STK31: variants seen among roughly 807,000 people sequenced by gnomAD.
STK31 encodes the protein serine/threonine-protein kinase 31.
A neutral mutation model predicts 129.7 loss-of-function variants in STK31; 89 were observed. The observed-to-expected ratio is 0.69, with a 90% confidence interval of 0.58 to 0.82. STK31 has a LOEUF of 0.82. Ranked by LOEUF, STK31 falls within the 40% of genes least tolerant of loss-of-function variation. The pLI, the probability that STK31 is intolerant of heterozygous loss-of-function variation, is 0.00. For missense variants in STK31, 1,187 were observed against 1,176.4 expected, an observed-to-expected ratio of 1.01 and a Z score of -0.13; for synonymous variants, 448 against 395.3, an observed-to-expected ratio of 1.13 and a Z score of -1.58.
intron 23 of STK31, 81 bp from the exon 24 acceptor site, chr7:23,832,055 G>T (rs1794583033): frequency 4.0e-6 from 4 of 998,692 alleles, no homozygotes; most frequent in African/African-American, 3.3e-5. Flanking sequence ...TGTATTTATT[G>T]AAAAAATAAG....
In STK31 at chr7:23,762,854, C is replaced by T. The variant is rs1789552770; in HGVS notation, c.1347C>T (p.Tyr449=). 1.3e-5 allele frequency: 21 copies of T among 1,608,532 alleles called. No individual in the cohort carries two copies. Among genetic ancestry groups the T allele is most frequent in the Non-Finnish European group, 1.6e-5 (19 of 1,178,104 alleles). Residue 449 remains tyrosine, a synonymous_variant, in exon 11 of 24, where the codon TAC becomes TAT. Coordinates refer to ENST00000355870, the MANE Select transcript of STK31 (RefSeq NM_031414.5). The part of the protein sequence containing the change: ...AQRNEMQQKL[Y]MSVEDFILEV... ...GAAATGAAATGCAGCAGAAGCTGTA[C>T]ATGTCAGTAGAAGATTTTATTCTGG... is the stretch of plus-strand genomic sequence containing the variant.
At chr7:23,807,632 G>GC (rs965582555) in intron 22 of STK31, among the ~76,000 whole-genome samples, 6 of 151,920 alleles carry the variant, frequency 3.9e-5, no homozygotes, top group African/African-American at 1.4e-4. Flanking sequence ...ATGCATTTTA[G>GC]CCCCCCACCC....
intron 4 of STK31, among the ~76,000 whole-genome samples, chr7:23,721,034 A>G (rs909187556): frequency 6.6e-6 from 1 of 152,244 alleles, no homozygotes; most frequent in Non-Finnish European, 1.5e-5. Flanking sequence ...AGGAATCAGA[A>G]AAGGATTTAT....
rs765248525 is a variant in STK31 at position 23,712,164 on chromosome 7, AT to A, written c.97+23del. On this transcript the variant is annotated intron_variant, in intron 2 of 23. Transcript: ENST00000355870. The stretch of plus-strand genomic sequence containing the variant: ...GATAAAGGTACTGACACTAAAAATT[AT>A]TTTGGGGTGTAAGAGCTAGATGATA... 1 of 1,613,722 alleles carries A rather than the reference AT, an allele frequency of 6.2e-7. No individual in the cohort carries two copies. The highest frequency in any genetic ancestry group is 1.7e-5 in the Admixed American group (1 of 60,006).
At position 23,786,628 on chromosome 7, in the gene STK31, T is replaced by C; in HGVS notation, c.2395T>C (p.Cys799Arg). The C allele has an allele frequency of 6.2e-7, 1 of 1,612,934 alleles. No homozygotes were observed. Among genetic ancestry groups the C allele is most frequent in the South Asian group, 1.1e-5 (1 of 90,786 alleles). The change falls in exon 19 of 24, where the codon TGT (cysteine) becomes CGT (arginine). Residue 799 changes from cysteine (C) to arginine (R), a missense_variant. Around this residue, in one of 5 missense-constraint regions of STK31, gnomAD observed 975 missense variants for 934.9 expected, o/e 1.04. Coordinates refer to ENST00000355870, the MANE Select transcript of STK31 (RefSeq NM_031414.5). ...ACTGCCATTGATATTCCTGTTTTTA[T>C]GTAAGGTAAAGTTCTTATGCTAATC... ...GLLPLIFLFL[C>R]KSDPMAYLMV...
chr7:23,755,629 T>G (rs1302466526), intron 10 of STK31, among the ~76,000 whole-genome samples: 4 of 152,218 alleles, frequency 2.6e-5, no homozygotes, highest in Admixed American at 2.0e-4. Flanking sequence ...TTTTATAGTT[T>G]TAGGTTTTAC....
At position 23,832,323 on chromosome 7, in the gene STK31, G is replaced by T. The variant is rs1266784188; in HGVS notation, c.3017G>T (p.Cys1006Phe). 6.2e-7 allele frequency: 1 copy of T among 1,613,204 alleles called. No homozygotes were observed. Among genetic ancestry groups the T allele is most frequent in the East Asian group, 2.2e-5 (1 of 44,864 alleles). Reference sequence around the variant, plus strand: ...ATAAAGACGGAGAACTTGGATAAATGTATGGAGAAGACAAGAAATGGTGAA... The same window carrying T: ...ATAAAGACGGAGAACTTGGATAAATTTATGGAGAAGACAAGAAATGGTGAA... Reference protein sequence around the residue: ...EEIKTENLDKCMEKTRNGEAN... With the variant: ...EEIKTENLDKFMEKTRNGEAN... The change falls in exon 24 of 24, where the codon TGT (cysteine) becomes TTT (phenylalanine). Residue 1006 changes from cysteine (C) to phenylalanine (F), a missense_variant. By Grantham distance (205) the Cys-to-Phe change is radical (BLOSUM62 -2). This residue lies in a region of STK31 where 975 missense variants were observed against 934.9 expected (regional missense o/e 1.04). Transcript: ENST00000355870.
Position 23,710,281 on chromosome 7 carries a change from C to A in STK31, c.-5C>A, listed in dbSNP as rs371501104. 7.4e-6 allele frequency: 12 copies of A among 1,611,666 alleles called. No individual in the cohort carries two copies. The highest frequency in any genetic ancestry group is 1.0e-5 in the Non-Finnish European group (12 of 1,179,878). Reference sequence around the variant, plus strand: ...CTACGGCGGGCGGAGGGCCGAAAGTCCAGTATGTGGGTCCAGGGTCACTCT... The same window carrying A: ...CTACGGCGGGCGGAGGGCCGAAAGTACAGTATGTGGGTCCAGGGTCACTCT... On this transcript the variant is annotated 5_prime_UTR_variant, in exon 1 of 24. Transcript: ENST00000355870.
chr7:23,719,708 A>G (rs554245286), intron 4 of STK31, among the ~76,000 whole-genome samples: 5 of 152,142 alleles, frequency 3.3e-5, no homozygotes, highest in Admixed American at 6.5e-5. Context: ...CCATGAAAGT[A>G]TCTTTCACAT....
At chr7:23,710,762 A>C (rs1785905686) in intron 1 of STK31, 1 of 1,039,858 alleles carries the variant, frequency 9.6e-7, no homozygotes, top group Non-Finnish European at 1.2e-6. Context: ...CAGTGCCTTC[A>C]TAATCAGGGC....
intron 8 of STK31, among the ~76,000 whole-genome samples, chr7:23,751,878 C>A (rs1250550733): frequency 6.9e-6 from 1 of 145,544 alleles, no homozygotes; most frequent in South Asian, 2.2e-4. Context: ...TTAATACAGG[C>A]ATATTTGCAT....
chr7:23,747,997 A>G (rs1788465261), intron 8 of STK31, among the ~76,000 whole-genome samples: 1 of 152,118 alleles, frequency 6.6e-6, no homozygotes, highest in African/African-American at 2.4e-5. Context: ...GCATATTAAG[A>G]TTTAATTTGC....
rs1373918144 is a variant in STK31 at position 23,737,042 on chromosome 7, A to T, written c.981A>T (p.Leu327Phe). The T allele has an allele frequency of 6.2e-7, 1 of 1,611,004 alleles. No individual in the cohort carries two copies. The highest frequency in any genetic ancestry group is 1.1e-5 in the South Asian group (1 of 90,818). ...CTCTTCTTGAAAGTTATAAGGCGTT[A>T]GAATTGAAAGTAGAGCAGATTGCCC... ...KDALLESYKALELKVEQIAQE... is the reference protein window; with the variant it reads ...KDALLESYKAFELKVEQIAQE... Residue 327 changes from leucine to phenylalanine, a missense_variant, in exon 8 of 24, where the codon TTA becomes TTT. Leu to Phe is a conservative substitution (Grantham distance 22). Around this residue, in one of 5 missense-constraint regions of STK31, gnomAD observed 975 missense variants for 934.9 expected, o/e 1.04. Coordinates refer to ENST00000355870, the MANE Select transcript of STK31 (RefSeq NM_031414.5).
At chr7:23,740,799 T>C (rs1788012788) in intron 8 of STK31, among the ~76,000 whole-genome samples, 1 of 152,202 alleles carries the variant, frequency 6.6e-6, no homozygotes, top group Non-Finnish European at 1.5e-5. Context: ...TCCAGCTTCA[T>C]CCATGTCCCT....
chr7:23,741,553 T>C (rs1788057694), intron 8 of STK31, among the ~76,000 whole-genome samples: 3 of 152,200 alleles, frequency 2.0e-5, no homozygotes, highest in South Asian at 2.1e-4. Context: ...TATCAAGCTC[T>C]ACCAATAATT....
intron 3 of STK31, among the ~76,000 whole-genome samples, chr7:23,713,008 A>G (rs1293608788): frequency 6.6e-6 from 1 of 152,194 alleles, no homozygotes; most frequent in East Asian, 1.9e-4. Flanking sequence ...ATATATGAGA[A>G]GAAAGTTCTA....
chr7:23,783,662 T>C lies in STK31; in HGVS notation c.2147T>C (p.Met716Thr). Reference sequence around the variant, plus strand: ...CCTGAAATAGGATTACTCAAATACATGGTAAACTTTGTTTCCCTTGCGAAT... The same window carrying C: ...CCTGAAATAGGATTACTCAAATACACGGTAAACTTTGTTTCCCTTGCGAAT... ...LHPEIGLLKY[M>T]NSGGLLTMSL... The change falls in exon 17 of 24, where the codon ATG becomes ACG. Residue 716 changes from methionine to threonine, a missense_variant and splice_region_variant. Met to Thr is a moderately conservative substitution (Grantham distance 81). Transcript: ENST00000355870. 6.2e-7 allele frequency: 1 copy of C among 1,609,064 alleles called. No individual in the cohort carries two copies. Among genetic ancestry groups the C allele is most frequent in the East Asian group, 2.2e-5 (1 of 44,770 alleles).
chr7:23,811,237 A>G lies in STK31; in HGVS notation c.2761-3907A>G, dbSNP rs1793113482. Reference sequence around the variant, plus strand: ...TTAGCAGAGCAACTGTGCCATCTAGATTGATGTTTTCACCAGTAAAGGACT... The same window carrying G: ...TTAGCAGAGCAACTGTGCCATCTAGGTTGATGTTTTCACCAGTAAAGGACT... On this transcript the variant is annotated intron_variant, in intron 22 of 23. Transcript: ENST00000355870. The G allele has an allele frequency of 1.6e-5, 5 of 317,716 alleles. No individual in the cohort carries two copies. The South Asian group carries it at 1.8e-4, about 11-fold the overall frequency. 19.7% of individuals were successfully genotyped at this position (317,716 alleles called of 1,614,324 possible). A position where few individuals can be genotyped will look rare whatever the true frequency, so the allele number is the denominator to read the frequency against.
Position 23,757,330 on chromosome 7 carries a change from C to G in STK31, c.1293+2856C>G, listed in dbSNP as rs114804716. Reference sequence around the variant, plus strand: ...AAGAAAAGTGGGCCCAAGGGACCGGCGCTCAGCATGTGGAGGACCCGCGCC... The same window carrying G: ...AAGAAAAGTGGGCCCAAGGGACCGGGGCTCAGCATGTGGAGGACCCGCGCC... On this transcript the variant is annotated intron_variant, in intron 10 of 23. Transcript: ENST00000355870. 6.6e-5 allele frequency among the ~76,000 whole-genome samples: 10 copies of G among 152,152 alleles called. No homozygotes were observed. In the East Asian group the frequency reaches 1.7e-3, roughly 27 times the overall value.
Sources: allele counts gnomAD v4.1 joint callset (sites outside exome capture counted in the v4.1 genomes callset), GRCh38; gene constraint gnomAD v4.1.1; regional missense constraint gnomAD v4.1.1; transcripts MANE v1.5; gene names NCBI Gene and HGNC (gene_info 2026-07-23, HGNC 2026-07-21).